The following ABCC9 variants were observed in gnomAD, a reference collection of about 807,000 sequenced individuals.
ABCC9 encodes ATP binding cassette subfamily C member 9.
A neutral mutation model predicts 188.3 loss-of-function variants in ABCC9; 95 were observed. The ratio of observed to expected loss-of-function variants is 0.50; its 90% CI spans 0.43 to 0.60. The LOEUF is 0.60. ABCC9 is among the 20% of genes least tolerant of loss of function. The pLI is 0.00. For synonymous variants in ABCC9, 659 were observed against 652.7 expected, an observed-to-expected ratio of 1.01 and a Z score of -0.15; for missense variants, 1,102 against 1,876.3, an observed-to-expected ratio of 0.59 and a Z score of 7.62.
At chr12:21,848,971 GC>G (rs1555188304) in intron 24 of ABCC9, among the ~76,000 whole-genome samples, 1 of 152,140 alleles carries the variant, frequency 6.6e-6, no homozygotes, top group Non-Finnish European at 1.5e-5. Context: ...TCCATGCCCT[GC>G]TTCCAACACA....
In ABCC9 at chr12:21,858,551, T is replaced by A. The variant is rs1945343437; in HGVS notation, c.2505+1035A>T. Among the ~76,000 whole-genome samples, 3 of 150,278 alleles carry A rather than the reference T, an allele frequency of 2.0e-5. No homozygotes were observed. The South Asian group carries it at 6.5e-4, about 32-fold the overall frequency. ...CTGAGATGGTGCCATTGCAGTCCAG[T>A]CTGGGCAACAGAGCAAGAATCCATC... On this transcript the variant is annotated intron_variant, in intron 22 of 39. Coordinates refer to ENST00000261200, the MANE Select transcript of ABCC9 (RefSeq NM_020297.4).
intron 31 of ABCC9, among the ~76,000 whole-genome samples, chr12:21,821,525 C>G (rs899244023): frequency 6.6e-6 from 1 of 151,854 alleles, no homozygotes; most frequent in African/African-American, 2.4e-5. Flanking sequence ...AAGGTCATAG[C>G]TGACTGAAAT....
intron 8 of ABCC9, among the ~76,000 whole-genome samples, chr12:21,911,946 T>C (rs894134397): frequency 2.0e-5 from 3 of 151,930 alleles, no homozygotes; most frequent in Admixed American, 1.3e-4. Flanking sequence ...AACACAAATA[T>C]GAATGGCTCA....
intron 35 of ABCC9, among the ~76,000 whole-genome samples, chr12:21,812,872 A>G (rs1251500825): frequency 1.3e-5 from 2 of 152,156 alleles, no homozygotes; most frequent in Non-Finnish European, 2.9e-5. Context: ...GTGTCTCTAA[A>G]AAATATACAT....
At chr12:21,910,616 T>G (rs1306258762) in intron 9 of ABCC9, among the ~76,000 whole-genome samples, 1 of 151,938 alleles carries the variant, frequency 6.6e-6, no homozygotes, top group Non-Finnish European at 1.5e-5. Flanking sequence ...TTCAAAATAT[T>G]TTTCTTAACA....
chr12:21,841,505 G>T (rs1305564353), intron 29 of ABCC9, among the ~76,000 whole-genome samples: 2 of 150,968 alleles, frequency 1.3e-5, no homozygotes, highest in African/African-American at 4.9e-5. Context: ...ATTACAGGCG[G>T]GTGCCACCAC....
At chr12:21,873,603 C>T (rs138288880) in intron 17 of ABCC9, among the ~76,000 whole-genome samples, 313 of 152,062 alleles carry the variant, frequency 2.1e-3, no homozygotes, top group African/African-American at 7.0e-3. Flanking sequence ...CCCCAAATAC[C>T]CAAAGCTATC....
intron 32 of ABCC9, among the ~76,000 whole-genome samples, 165 bp from the exon 33 acceptor site, chr12:21,817,472 A>G (rs1942720251): frequency 6.6e-6 from 1 of 152,192 alleles, no homozygotes; most frequent in Admixed American, 6.5e-5. Flanking sequence ...GTCATGCGAT[A>G]TATCAGCAAA....
chr12:21,822,339 G>A (rs1187164250), intron 31 of ABCC9, among the ~76,000 whole-genome samples: 9 of 151,042 alleles, frequency 6.0e-5, no homozygotes, highest in Admixed American at 4.6e-4. Context: ...TAAAGTACTG[G>A]AAATATTTTA....
chr12:21,930,760 A>G (rs997146834), intron 4 of ABCC9, among the ~76,000 whole-genome samples: 1 of 152,208 alleles, frequency 6.6e-6, no homozygotes, highest in Non-Finnish European at 1.5e-5. Flanking sequence ...TATACAGACA[A>G]TAGAATATCA....
chr12:21,893,193 TTA>T (rs1491466937), intron 14 of ABCC9, among the ~76,000 whole-genome samples: 5 of 1,282 alleles, frequency 3.9e-3, no homozygotes, highest in Non-Finnish European at 0.01. Context: ...AAAAATGGTC[TTA>T]TATCACATCT....
intron 20 of ABCC9, among the ~76,000 whole-genome samples, chr12:21,861,523 C>G (rs965843234): frequency 6.6e-6 from 1 of 152,122 alleles, no homozygotes; most frequent in Admixed American, 6.6e-5. Context: ...TGAACCACTA[C>G]GCCCAGCTGG....
chr12:21,934,828 C>T (rs1056725171), intron 3 of ABCC9, among the ~76,000 whole-genome samples: 5 of 151,888 alleles, frequency 3.3e-5, no homozygotes, highest in Non-Finnish European at 4.4e-5. Flanking sequence ...GCAGCAGATG[C>T]CCCTTTTATT....
chr12:21,904,538 G>T (rs1320018759), intron 12 of ABCC9, among the ~76,000 whole-genome samples: 4 of 152,046 alleles, frequency 2.6e-5, no homozygotes, highest in Non-Finnish European at 1.5e-5. Context: ...ATCTGACAAA[G>T]GGCTAATATC....
At chr12:21,819,419 C>T (rs1417840385) in intron 31 of ABCC9, among the ~76,000 whole-genome samples, 2 of 152,160 alleles carry the variant, frequency 1.3e-5, no homozygotes, top group Non-Finnish European at 2.9e-5. Flanking sequence ...AATGACCTCA[C>T]ATGTGTACAT....
chr12:21,920,628 A>G (rs139677638), intron 5 of ABCC9, among the ~76,000 whole-genome samples: 46 of 152,058 alleles, frequency 3.0e-4, no homozygotes, highest in African/African-American at 1.0e-3. Flanking sequence ...GACTGTAGCC[A>G]TCCTGTTGTG....
At chr12:21,862,553 C>G (rs1210632857) in intron 20 of ABCC9, among the ~76,000 whole-genome samples, 1 of 150,620 alleles carries the variant, frequency 6.6e-6, no homozygotes, top group Non-Finnish European at 1.5e-5. Flanking sequence ...CTGGCTGTTC[C>G]CAGTCACCAG....
At chr12:21,850,214 C>T (rs1388322518) in intron 24 of ABCC9, among the ~76,000 whole-genome samples, 1 of 151,312 alleles carries the variant, frequency 6.6e-6, no homozygotes, top group Non-Finnish European at 1.5e-5. Context: ...CCAAATGTTG[C>T]CAAATGTCCT....
rs141414832 is a variant in ABCC9, at chr12:21,816,979, C to T, written c.3892+208G>A. ...TCTTTAAATGTCATTAAATAAATAT[C>T]TGTTTGGACTCTGGTTTTATCCAAG... On this transcript the variant is annotated intron_variant, in intron 33 of 39. Coordinates refer to ENST00000261200, the MANE Select transcript of ABCC9 (RefSeq NM_020297.4). Among the ~76,000 whole-genome samples, 109 of 152,156 alleles carry T rather than the reference C, an allele frequency of 7.2e-4. 1 individual carries two copies. The highest frequency in any genetic ancestry group is 2.4e-3 in the African/African-American group (99 of 41,524).
Sources: allele counts gnomAD v4.1 joint callset (sites outside exome capture counted in the v4.1 genomes callset), GRCh38; gene constraint gnomAD v4.1.1; transcripts MANE v1.5; gene names NCBI Gene and HGNC (gene_info 2026-07-23, HGNC 2026-07-21).